Variants in PCDHA10 observed in about 807,000 individuals in gnomAD.
PCDHA10 encodes the protein protocadherin alpha-10.
Under a neutral mutation model 61.2 loss-of-function variants are expected in PCDHA10, and 45 were observed. The ratio of observed to expected loss-of-function variants is 0.74; its 90% confidence interval spans 0.58 to 0.94. PCDHA10 has a LOEUF of 0.94. PCDHA10 is among the 40% of genes least tolerant of loss of function. The probability of loss-of-function intolerance (pLI) is 0.00; values close to 1 mark genes in which losing one functional copy is unlikely to be tolerated. For synonymous variants in PCDHA10, 602 were observed against 548.8 expected (o/e 1.10, Z -1.35); for missense variants, 1,278 against 1,236.2 (o/e 1.03, Z -0.51).
chr5:140,907,083 G>T (rs770380704), intron 1 of PCDHA10, among the ~76,000 whole-genome samples: 56 of 152,144 alleles, frequency 3.7e-4, no homozygotes, highest in Non-Finnish European at 7.1e-4. Context: ...AGGGGTGATG[G>T]TAAGTGGTGC....
intron 2 of PCDHA10, among the ~76,000 whole-genome samples, chr5:140,980,645 G>A (rs1322302727): frequency 6.7e-6 from 1 of 149,206 alleles, no homozygotes; most frequent in African/African-American, 2.5e-5. Flanking sequence ...ATAAATAAAT[G>A]AATAAAATAA....
At chr5:140,963,319 G>T (rs1554226565) in intron 1 of PCDHA10, among the ~76,000 whole-genome samples, 1 of 152,174 alleles carries the variant, frequency 6.6e-6, no homozygotes, top group East Asian at 1.9e-4. Flanking sequence ...GTTTGTATTA[G>T]AATTACACAG....
chr5:140,965,990 G>A (rs1292240100), intron 1 of PCDHA10, among the ~76,000 whole-genome samples: 4 of 152,194 alleles, frequency 2.6e-5, no homozygotes, highest in African/African-American at 9.6e-5. Context: ...ACTTTCTGCA[G>A]TACTTAAGAG....
At position 140,877,217 on chromosome 5, in the gene PCDHA10, C is replaced by T. The variant is rs571871387; in HGVS notation, c.2388+18781C>T. ...GGAGGCGCAGTTAGCGAGTTGGTAC[C>T]GCGGTCGGTGGGTGCGGGCCACGTG... On this transcript the variant is annotated intron_variant, in intron 1 of 3. Coordinates refer to ENST00000307360, the MANE Select transcript of PCDHA10 (RefSeq NM_018901.4). 144 of 1,613,624 alleles carry T rather than the reference C, an allele frequency of 8.9e-5. No individual in the cohort carries two copies. Among genetic ancestry groups the T allele is most frequent in the Non-Finnish European group, 1.2e-4 (138 of 1,179,784 alleles).
chr5:140,875,874 A>G (rs782173743), intron 1 of PCDHA10: 2 of 1,614,188 alleles, frequency 1.2e-6, no homozygotes, highest in East Asian at 4.5e-5. Context: ...CGGTGTTCAG[A>G]GAAAGGGAAC....
At chr5:140,977,588 A>G (rs1237547807) in intron 1 of PCDHA10, among the ~76,000 whole-genome samples, 1 of 152,182 alleles carries the variant, frequency 6.6e-6, no homozygotes, top group Non-Finnish European at 1.5e-5. Context: ...GAGAGCAGTT[A>G]GCATGTGAGG....
intron 1 of PCDHA10, chr5:140,877,641 C>T (rs548787462): frequency 1.9e-6 from 3 of 1,613,592 alleles, no homozygotes; most frequent in Non-Finnish European, 2.5e-6. Context: ...CGCTGCGTTG[C>T]TCAGCGCCGC....
intron 1 of PCDHA10, chr5:140,884,047 G>A: frequency 1.9e-6 from 3 of 1,613,390 alleles, no homozygotes; most frequent in East Asian, 2.2e-5. Flanking sequence ...TGGTGGCGAA[G>A]GTGCGCGCGG....
chr5:140,968,500 C>T, intron 1 of PCDHA10: 2 of 1,614,222 alleles, frequency 1.2e-6, no homozygotes, highest in Middle Eastern at 1.6e-4. Context: ...ATGCCCCTCA[C>T]ATTCTGTACC....
chr5:140,963,288 G>A (rs908553196), intron 1 of PCDHA10, among the ~76,000 whole-genome samples: 2 of 152,126 alleles, frequency 1.3e-5, no homozygotes, highest in Non-Finnish European at 2.9e-5. Flanking sequence ...ATTTTATAAG[G>A]AGGAGAGAAA....
chr5:140,900,845 C>CT (rs1284280086), intron 1 of PCDHA10, among the ~76,000 whole-genome samples: 1 of 152,106 alleles, frequency 6.6e-6, no homozygotes, highest in Non-Finnish European at 1.5e-5. Context: ...CAAAGTTTCC[C>CT]TTTTTTTCAC....
At chr5:140,985,104 AT>A (rs2097137151) in intron 3 of PCDHA10, among the ~76,000 whole-genome samples, 1 of 151,914 alleles carries the variant, frequency 6.6e-6, no homozygotes, top group African/African-American at 2.4e-5. Context: ...AGCCTGGCTA[AT>A]TTTTTGTGTT....
intron 1 of PCDHA10, among the ~76,000 whole-genome samples, chr5:140,919,693 T>C (rs1383014744): frequency 6.6e-6 from 1 of 152,234 alleles, no homozygotes; most frequent in Admixed American, 6.5e-5. Context: ...TTCAGATTTA[T>C]ATTAACTTAA....
chr5:140,889,856 G>GT (rs1471217688), intron 1 of PCDHA10, among the ~76,000 whole-genome samples: 17 of 152,122 alleles, frequency 1.1e-4, no homozygotes, highest in African/African-American at 4.1e-4. Context: ...GAGAATATTT[G>GT]TTTTGGGGGA....
chr5:140,966,205 CT>C, intron 1 of PCDHA10: 1 of 226,680 alleles, frequency 4.4e-6, no homozygotes. Flanking sequence ...GGCTTGACTG[CT>C]TTTCCCAGAC....
At chr5:140,974,108 C>A (rs977903039) in intron 1 of PCDHA10, among the ~76,000 whole-genome samples, 3 of 152,182 alleles carry the variant, frequency 2.0e-5, no homozygotes, top group African/African-American at 7.2e-5. Flanking sequence ...TAAAAGTATT[C>A]TTTTGCAGTG....
At chr5:140,923,971 A>G (rs557891257) in intron 1 of PCDHA10, among the ~76,000 whole-genome samples, 2 of 152,330 alleles carry the variant, frequency 1.3e-5, no homozygotes, top group East Asian at 3.9e-4. Flanking sequence ...ATACCCACAC[A>G]TACTATCCCT....
At chr5:140,913,934 G>C (rs1554196103) in intron 1 of PCDHA10, among the ~76,000 whole-genome samples, 1 of 152,102 alleles carries the variant, frequency 6.6e-6, no homozygotes, top group African/African-American at 2.4e-5. Context: ...TGTGGTCAGA[G>C]AAGAATCTTG....
At chr5:140,970,960 G>T (rs3776114) in intron 1 of PCDHA10, among the ~76,000 whole-genome samples, 54,597 of 152,034 alleles carry the variant, frequency 0.36, 10,036 homozygotes, top group Admixed American at 0.46. Context: ...ATGGGAGGCA[G>T]ATTGTAGATT....
Sources: allele counts gnomAD v4.1 joint callset (sites outside exome capture counted in the v4.1 genomes callset), GRCh38; gene constraint gnomAD v4.1.1; transcripts MANE v1.5; gene names NCBI Gene and HGNC (gene_info 2026-07-23, HGNC 2026-07-21).